The following MARCHF1 variants were observed in gnomAD, a reference collection of about 807,000 sequenced individuals.
The protein encoded by MARCHF1 is membrane associated ring-CH-type finger 1.
MARCHF1 carries 40 observed loss-of-function variants against 54.2 expected under a neutral mutation model. The ratio of observed to expected loss-of-function variants is 0.74; its 90% CI spans 0.57 to 0.96. The LOEUF is 0.96. Among genes scored for constraint, MARCHF1 ranks in the 40% least tolerant of loss-of-function variants. The probability of loss-of-function intolerance (pLI) is 0.00; values close to 1 mark genes in which losing one functional copy is unlikely to be tolerated. For synonymous variants in MARCHF1, 236 were observed against 236.3 expected, an observed-to-expected ratio of 1.00 and a Z score of 0.01; for missense variants, 586 against 656.5, an observed-to-expected ratio of 0.89 and a Z score of 1.17.
intron 1 of MARCHF1, among the ~76,000 whole-genome samples, chr4:164,378,924 G>T (rs1731279944): frequency 6.6e-6 from 1 of 151,978 alleles, no homozygotes; most frequent in South Asian, 2.1e-4. Context: ...TGTTGGCCAG[G>T]CTGGTCTCGA....
chr4:164,260,549 T>C (rs1340154860), intron 1 of MARCHF1, among the ~76,000 whole-genome samples: 1 of 152,118 alleles, frequency 6.6e-6, no homozygotes, highest in Non-Finnish European at 1.5e-5. Flanking sequence ...TCACATTAGA[T>C]GTTTCTCTTG....
chr4:163,716,766 A>G (rs1262315740), intron 4 of MARCHF1, among the ~76,000 whole-genome samples: 1 of 152,184 alleles, frequency 6.6e-6, no homozygotes, highest in Non-Finnish European at 1.5e-5. Flanking sequence ...AGAACTGTCA[A>G]AGTTTGAGTT....
At chr4:163,549,213 TGACTCTATGTTA>T (rs1739015312) in intron 8 of MARCHF1, among the ~76,000 whole-genome samples, 2 of 152,362 alleles carry the variant, frequency 1.3e-5, no homozygotes, top group South Asian at 4.1e-4. Context: ...GCTTTGGAGA[TGACTCTATGTTA>T]GTTTTTCCCA....
intron 2 of MARCHF1, among the ~76,000 whole-genome samples, chr4:164,084,535 G>A (rs1486789042): frequency 6.6e-6 from 1 of 151,816 alleles, no homozygotes; most frequent in Admixed American, 6.6e-5. Flanking sequence ...TTATATAAAT[G>A]TAATAAGCAT....
intron 2 of MARCHF1, among the ~76,000 whole-genome samples, chr4:164,038,500 T>A (rs1754059038): frequency 6.6e-6 from 1 of 152,006 alleles, no homozygotes; most frequent in South Asian, 2.1e-4. Flanking sequence ...CTCAAATAAA[T>A]AAATAAAAAT....
chr4:164,084,078 T>C (rs2111118890), intron 2 of MARCHF1, among the ~76,000 whole-genome samples: 1 of 152,132 alleles, frequency 6.6e-6, no homozygotes. Flanking sequence ...ATAATCATTG[T>C]AATGAATATG....
At chr4:163,715,938 CTT>C (rs1230051395) in intron 4 of MARCHF1, among the ~76,000 whole-genome samples, 2 of 152,098 alleles carry the variant, frequency 1.3e-5, no homozygotes, top group Non-Finnish European at 2.9e-5. Context: ...AAGCAAGTAA[CTT>C]TCTAAAATTT....
At chr4:163,539,004 TA>T (rs1553990104) in intron 9 of MARCHF1, among the ~76,000 whole-genome samples, 1 of 53,344 alleles carries the variant, frequency 1.9e-5, no homozygotes, top group Admixed American at 3.0e-4. Flanking sequence ...CTGATGCTTT[TA>T]TTTATTTATT....
intron 1 of MARCHF1, among the ~76,000 whole-genome samples, chr4:164,288,394 G>A (rs1734203585): frequency 6.6e-6 from 1 of 152,028 alleles, no homozygotes; most frequent in Non-Finnish European, 1.5e-5. Context: ...AATGGTGGCT[G>A]GGGCTATTCG....
intron 4 of MARCHF1, among the ~76,000 whole-genome samples, chr4:163,851,010 G>A (rs1470802019): frequency 6.6e-6 from 1 of 152,144 alleles, no homozygotes; most frequent in Admixed American, 6.6e-5. Context: ...TTCCATTTGT[G>A]TAACAGACTC....
Position 163,613,393 on chromosome 4 carries a change from C to T in MARCHF1, c.163G>A (p.Ala55Thr). Residue 55 changes from alanine to threonine, a missense_variant and splice_region_variant, in exon 6 of 10, where the codon GCA becomes ACA. This residue lies in a region of MARCHF1 where 387 missense variants were observed against 394.6 expected (regional missense o/e 0.98). Transcript: ENST00000514618. ...SASRSSNISK[A>T]SSPTTGTAPR... ...GCTGTCCCTGTTGTTGGGCTGCTTG[C>T]CTGGAGAAACAAGTTAGATAATTTG... is the stretch of plus-strand genomic sequence containing the variant. 3.1e-6 allele frequency: 5 copies of T among 1,613,270 alleles called. No homozygotes were observed. The highest frequency in any genetic ancestry group is 2.5e-6 in the Non-Finnish European group (3 of 1,179,552).
intron 4 of MARCHF1, among the ~76,000 whole-genome samples, chr4:163,710,882 A>G (rs1745086768): frequency 6.6e-6 from 1 of 152,112 alleles, no homozygotes; most frequent in Non-Finnish European, 1.5e-5. Context: ...CTTTTTTTAA[A>G]GCAATATATA....
intron 4 of MARCHF1, among the ~76,000 whole-genome samples, chr4:163,826,910 CTT>C (rs1748867106): frequency 6.6e-6 from 1 of 151,952 alleles, no homozygotes; most frequent in African/African-American, 2.4e-5. Context: ...GCAAATCTGA[CTT>C]ACAAATGACA....
intron 1 of MARCHF1, among the ~76,000 whole-genome samples, chr4:164,379,410 G>A (rs1182706576): frequency 1.3e-5 from 2 of 152,106 alleles, no homozygotes; most frequent in East Asian, 1.9e-4. Context: ...ATGTAACTCA[G>A]ATCTCAGGAA....
chr4:163,602,645 T>C (rs1560967924), intron 7 of MARCHF1, among the ~76,000 whole-genome samples: 1 of 152,110 alleles, frequency 6.6e-6, no homozygotes, highest in Non-Finnish European at 1.5e-5. Flanking sequence ...GGCAAAAACA[T>C]AAGAGAATAA....
intron 4 of MARCHF1, among the ~76,000 whole-genome samples, chr4:163,830,460 G>C (rs1202213071): frequency 6.6e-6 from 1 of 152,124 alleles, no homozygotes; most frequent in African/African-American, 2.4e-5. Flanking sequence ...GGGGCTCTCA[G>C]AGAAGTAGCG....
At chr4:163,564,873 C>CT (rs34689838) in intron 8 of MARCHF1, among the ~76,000 whole-genome samples, 15,789 of 147,538 alleles carry the variant, frequency 0.11, 1,580 homozygotes, top group African/African-American at 0.27. Context: ...TGGGGAAACA[C>CT]TTTTTTTTTT....
Position 164,342,281 on chromosome 4 carries a change from G to A in MARCHF1, c.-323+41589C>T, listed in dbSNP as rs928624555. Among the ~76,000 whole-genome samples, 5 of 152,142 alleles carry A rather than the reference G, an allele frequency of 3.3e-5. No individual in the cohort carries two copies. The East Asian group carries it at 5.8e-4, about 18-fold the overall frequency. ...TGTATCACCTCACACCTGTTAAGACGGCTTTCATTAAAAAGTCAAAAGATA... is the reference window on the plus strand; with the variant it reads ...TGTATCACCTCACACCTGTTAAGACAGCTTTCATTAAAAAGTCAAAAGATA... On this transcript the variant is annotated intron_variant, in intron 1 of 9. Coordinates refer to ENST00000514618, the MANE Select transcript of MARCHF1 (RefSeq NM_001394959.1).
At chr4:164,066,103 T>G (rs1754723929) in intron 2 of MARCHF1, among the ~76,000 whole-genome samples, 1 of 152,028 alleles carries the variant, frequency 6.6e-6, no homozygotes, top group South Asian at 2.1e-4. Flanking sequence ...AGTTGACACC[T>G]AATATCAACC....
Sources: gnomAD v4.1 joint callset for allele counts (sites outside exome capture counted in the v4.1 genomes callset) on GRCh38, gnomAD v4.1.1 for gene constraint, gnomAD v4.1.1 regional missense constraint, MANE v1.5 for transcripts, NCBI Gene and HGNC (gene_info 2026-07-23, HGNC 2026-07-21) for gene names.